The following LYNX1 variants were observed in gnomAD, a reference collection of about 807,000 sequenced individuals.
LYNX1 encodes the protein Ly6/neurotoxin 1.
Under a neutral mutation model 8.3 loss-of-function variants are expected in LYNX1, and 8 were observed. The ratio of observed to expected loss-of-function variants is 0.97; its 90% CI spans 0.57 to 1.74. LYNX1 has a LOEUF of 1.74. Among genes scored for constraint, LYNX1 ranks in the 40% most tolerant of loss-of-function variants. The pLI is 0.00. For missense variants in LYNX1, 158 were observed against 159.7 expected (o/e 0.99, Z 0.06); for synonymous variants, 73 against 67.9 (o/e 1.08, Z -0.37).
upstream of LYNX1, chr8:142,777,334 CT>C (rs1815466458): frequency 5.8e-6 from 1 of 172,964 alleles, no homozygotes; most frequent in African/African-American, 2.4e-5. Flanking sequence ...GCCCCACCTC[CT>C]GAGCAACCCC....
upstream of LYNX1, chr8:142,777,776 T>TCCGCAGGCTATCTTCACCGCGTC (rs1815488074): frequency 2.5e-6 from 1 of 397,834 alleles, no homozygotes; most frequent in African/African-American, 2.1e-5. Flanking sequence ...GCCCGGACAC[T>TCCGCAGGCTATCTTCACCGCGTC]CCGCAGGCTA....
chr8:142,774,858 C>CG lies in LYNX1; in HGVS notation c.*308_*309insC. 8.0e-7 allele frequency: 1 copy of CG among 1,255,374 alleles called. No homozygotes were observed. The highest frequency in any genetic ancestry group is 1.0e-6 in the Non-Finnish European group (1 of 995,694). 77.8% of individuals were successfully genotyped at this position (1,255,374 alleles called of 1,614,324 possible). The stretch of plus-strand genomic sequence containing the variant: ...CCAGAAGGTGGGCTTGGCCACAGCT[C>CG]CCATCTGCTCAGTGCTCCCTGCCTG... On this transcript the variant is annotated 3_prime_UTR_variant, in exon 4 of 4. Coordinates refer to ENST00000652477, the MANE Select transcript of LYNX1 (RefSeq NM_177477.4).
At position 142,774,145 on chromosome 8, in the gene LYNX1, G is replaced by GCCCCGGCC; in HGVS notation, c.*1021_*1022insGGCCGGGG. The GCCCCGGCC allele has an allele frequency of 6.1e-6, 6 of 981,840 alleles. No individual in the cohort carries two copies. Among genetic ancestry groups the GCCCCGGCC allele is most frequent in the African/African-American group, 1.8e-5 (1 of 56,672 alleles). 60.8% of individuals were successfully genotyped at this position (981,840 alleles called of 1,614,324 possible). A position where few individuals can be genotyped will look rare whatever the true frequency, so the allele number is the denominator to read the frequency against. ...GCTGCGGGGGAGGGGCTGGGTCTCC[G>GCCCCGGCC]CCCTCCCCACCCCACCCTCCCCACT... On this transcript the variant is annotated 3_prime_UTR_variant, in exon 4 of 4. Transcript: ENST00000652477.
At chr8:142,776,190 G>C (rs1815418003) in intron 1 of LYNX1, 69 bp from the exon 2 acceptor site, 2 of 574,276 alleles carry the variant, frequency 3.5e-6, no homozygotes, top group Non-Finnish European at 3.1e-6. Flanking sequence ...CCTGGGCAGG[G>C]ATGATGGTGG....
At position 142,772,309 on chromosome 8, in the gene LYNX1, C is replaced by T; in HGVS notation, c.*2858G>A. On this transcript the variant is annotated 3_prime_UTR_variant, in exon 4 of 4. Coordinates refer to ENST00000652477, the MANE Select transcript of LYNX1 (RefSeq NM_177477.4). ...AACTGGGCCCCCATGGTGCCCAGTGCCTCTCCCCCTCTCCTCTGCCACTCT... is the reference window on the plus strand; with the variant it reads ...AACTGGGCCCCCATGGTGCCCAGTGTCTCTCCCCCTCTCCTCTGCCACTCT... 1.0e-6 allele frequency: 1 copy of T among 985,758 alleles called. No individual in the cohort carries two copies. Among genetic ancestry groups the T allele is most frequent in the Non-Finnish European group, 1.2e-6 (1 of 829,994 alleles). The allele number at this position is 985,758 out of a possible 1,614,324, so 61.1% of individuals were successfully genotyped here. A position where few individuals can be genotyped will look rare whatever the true frequency, so the allele number is the denominator to read the frequency against.
chr8:142,771,241 G>A lies in LYNX1; in HGVS notation c.*3926C>T, dbSNP rs1157382967. ...TTTATTTACGGCTCGGTGAGACGAC[G>A]CTGGACGCTGGTTAGGGTAAGGGTT... On this transcript the variant is annotated 3_prime_UTR_variant, in exon 4 of 4. Coordinates refer to ENST00000652477, the MANE Select transcript of LYNX1 (RefSeq NM_177477.4). 3 of 985,464 alleles carry A rather than the reference G, an allele frequency of 3.0e-6. No individual in the cohort carries two copies. Among genetic ancestry groups the A allele is most frequent in the Admixed American group, 6.1e-5 (1 of 16,288 alleles). 61.0% of individuals were successfully genotyped at this position (985,464 alleles called of 1,614,324 possible).
At position 142,772,866 on chromosome 8, in the gene LYNX1, A is replaced by G; in HGVS notation, c.*2301T>C. ...AGGCAGAACCATGTGTGGGGCTGGG[A>G]CAGGTCAGGGTGGTGGAAAGGTGGA... On this transcript the variant is annotated 3_prime_UTR_variant, in exon 4 of 4. Transcript: ENST00000652477. The G allele has an allele frequency of 2.0e-6, 2 of 985,958 alleles. No homozygotes were observed. The highest frequency in any genetic ancestry group is 2.4e-6 in the Non-Finnish European group (2 of 830,330). 61.1% of individuals were successfully genotyped at this position (985,958 alleles called of 1,614,324 possible).
At chr8:142,775,493 A>G in intron 3 of LYNX1, 100 bp downstream of exon 3, 1 of 1,557,142 alleles carries the variant, frequency 6.4e-7, no homozygotes, top group Non-Finnish European at 8.7e-7. Context: ...ATCCGGGAAC[A>G]GGAGAGCCTC....
Position 142,774,298 on chromosome 8 carries a change from C to A in LYNX1, c.*869G>T. The A allele has an allele frequency of 1.0e-6, 1 of 985,662 alleles. No homozygotes were observed. Among genetic ancestry groups the A allele is most frequent in the Non-Finnish European group, 1.2e-6 (1 of 830,080 alleles). The allele number at this position is 985,662 out of a possible 1,614,324, so 61.1% of individuals were successfully genotyped here. On this transcript the variant is annotated 3_prime_UTR_variant, in exon 4 of 4. Transcript: ENST00000652477. Reference sequence around the variant, plus strand: ...CCCCAGTCCTGCGTCTTTTGCCTTGCTCGGCTGGGTCCTGCTGTGGTTGGG... The same window carrying A: ...CCCCAGTCCTGCGTCTTTTGCCTTGATCGGCTGGGTCCTGCTGTGGTTGGG...
At position 142,773,597 on chromosome 8, in the gene LYNX1, C is replaced by G; in HGVS notation, c.*1570G>C. ...GTTCTCAGGAGACTGAAGCTGGGCA[C>G]TCAGAACCAGCCCCAGGAGCAGAAC... On this transcript the variant is annotated 3_prime_UTR_variant, in exon 4 of 4. Coordinates refer to ENST00000652477, the MANE Select transcript of LYNX1 (RefSeq NM_177477.4). 1.0e-6 allele frequency: 1 copy of G among 985,564 alleles called. No individual in the cohort carries two copies. Among genetic ancestry groups the G allele is most frequent in the Non-Finnish European group, 1.2e-6 (1 of 830,042 alleles). The allele number at this position is 985,564 out of a possible 1,614,324, so 61.1% of individuals were successfully genotyped here. A position where few individuals can be genotyped will look rare whatever the true frequency, so the allele number is the denominator to read the frequency against.
rs1815321747 is a variant in LYNX1, at chr8:142,774,556, T to C, written c.*611A>G. On this transcript the variant is annotated 3_prime_UTR_variant, in exon 4 of 4. Coordinates refer to ENST00000652477, the MANE Select transcript of LYNX1 (RefSeq NM_177477.4). ...CTGTGACTTCGGGGGCCCTGGGGCC[T>C]GCTGAGGCAGAGCCGCCCCCTCCCC... 1.0e-6 allele frequency: 1 copy of C among 985,772 alleles called. No individual in the cohort carries two copies. Among genetic ancestry groups the C allele is most frequent in the East Asian group, 1.1e-4 (1 of 8,810 alleles). The allele number at this position is 985,772 out of a possible 1,614,324, so 61.1% of individuals were successfully genotyped here.
chr8:142,773,578 A>G lies in LYNX1; in HGVS notation c.*1589T>C. 1 of 985,552 alleles carries G rather than the reference A, an allele frequency of 1.0e-6. No homozygotes were observed. Among genetic ancestry groups the G allele is most frequent in the South Asian group, 4.7e-5 (1 of 21,292 alleles). 61.1% of individuals were successfully genotyped at this position (985,552 alleles called of 1,614,324 possible). On this transcript the variant is annotated 3_prime_UTR_variant, in exon 4 of 4. Coordinates refer to ENST00000652477, the MANE Select transcript of LYNX1 (RefSeq NM_177477.4). ...TGCCCCCTCCCATCCTCATGTTCTC[A>G]GGAGACTGAAGCTGGGCACTCAGAA...
chr8:142,774,719 A>T lies in LYNX1; in HGVS notation c.*448T>A. ...CAGTAGGAAGCGTGACTAGGCCTGG[A>T]GGAGCCTTTCCTCCTAAGAGTCTCC... On this transcript the variant is annotated 3_prime_UTR_variant, in exon 4 of 4. Coordinates refer to ENST00000652477, the MANE Select transcript of LYNX1 (RefSeq NM_177477.4). 9.9e-7 allele frequency: 1 copy of T among 1,008,992 alleles called. No homozygotes were observed. The highest frequency in any genetic ancestry group is 5.4e-5 in the Admixed American group (1 of 18,674). 62.5% of individuals were successfully genotyped at this position (1,008,992 alleles called of 1,614,324 possible). A position where few individuals can be genotyped will look rare whatever the true frequency, so the allele number is the denominator to read the frequency against.
chr8:142,774,148 C>CCA lies in LYNX1; in HGVS notation c.*1018_*1019insTG. On this transcript the variant is annotated 3_prime_UTR_variant, in exon 4 of 4. Coordinates refer to ENST00000652477, the MANE Select transcript of LYNX1 (RefSeq NM_177477.4). ...GCGGGGGAGGGGCTGGGTCTCCGCC[C>CCA]TCCCCACCCCACCCTCCCCACTCCC... The CCA allele has an allele frequency of 1.0e-6, 1 of 972,174 alleles. No homozygotes were observed. The highest frequency in any genetic ancestry group is 1.2e-6 in the Non-Finnish European group (1 of 818,742). The allele number at this position is 972,174 out of a possible 1,614,324, so 60.2% of individuals were successfully genotyped here.
chr8:142,777,829 C>A, upstream of LYNX1: 1 of 398,980 alleles, frequency 2.5e-6, no homozygotes, highest in Non-Finnish European at 4.4e-6. Flanking sequence ...CCCGCAGCCG[C>A]CTCCGCCCAC....
Position 142,774,149 on chromosome 8 carries a change from T to TGGGC in LYNX1, c.*1017_*1018insGCCC. On this transcript the variant is annotated 3_prime_UTR_variant, in exon 4 of 4. Transcript: ENST00000652477. Reference sequence around the variant, plus strand: ...CGGGGGAGGGGCTGGGTCTCCGCCCTCCCCACCCCACCCTCCCCACTCCCG... The same window carrying TGGGC: ...CGGGGGAGGGGCTGGGTCTCCGCCCTGGGCCCCCACCCCACCCTCCCCACTCCCG... 1.2e-5 allele frequency: 9 copies of TGGGC among 725,102 alleles called. No homozygotes were observed. Among genetic ancestry groups the TGGGC allele is most frequent in the Non-Finnish European group, 1.5e-5 (9 of 608,318 alleles). 44.9% of individuals were successfully genotyped at this position (725,102 alleles called of 1,614,324 possible).
rs1401167726 is a variant in LYNX1, at chr8:142,772,892, CAGA to C, written c.*2272_*2274del. 2.0e-6 allele frequency: 2 copies of C among 985,798 alleles called. No individual in the cohort carries two copies. Among genetic ancestry groups the C allele is most frequent in the African/African-American group, 1.7e-5 (1 of 57,258 alleles). The allele number at this position is 985,798 out of a possible 1,614,324, so 61.1% of individuals were successfully genotyped here. ...CAGGTCAGGGTGGTGGAAAGGTGGA[CAGA>C]AGGAGGCAGGAGGCAGGTGTGAGAA... On this transcript the variant is annotated 3_prime_UTR_variant, in exon 4 of 4. Transcript: ENST00000652477.
rs369889802 is a variant in LYNX1 at position 142,771,684 on chromosome 8, G to A, written c.*3483C>T. The A allele has an allele frequency of 7.2e-5, 71 of 985,858 alleles. No homozygotes were observed. In the African/African-American group the frequency reaches 9.9e-4, roughly 14 times the overall value. 61.1% of individuals were successfully genotyped at this position (985,858 alleles called of 1,614,324 possible). ...CGGCAGAAAAGCTGGCATATCCACC[G>A]AGGGCCTCTCTGCTTCTTTTGACCT... On this transcript the variant is annotated 3_prime_UTR_variant, in exon 4 of 4. Coordinates refer to ENST00000652477, the MANE Select transcript of LYNX1 (RefSeq NM_177477.4).
chr8:142,774,432 T>C lies in LYNX1; in HGVS notation c.*735A>G, dbSNP rs1815316616. On this transcript the variant is annotated 3_prime_UTR_variant, in exon 4 of 4. Transcript: ENST00000652477. ...CCAAATATAGCATGGCCCTAGCTCC[T>C]GCCAGCTTCAGGCCTGGTGCCCTCC... 2.0e-6 allele frequency: 2 copies of C among 985,922 alleles called. No individual in the cohort carries two copies. Among genetic ancestry groups the C allele is most frequent in the South Asian group, 4.7e-5 (1 of 21,296 alleles). The allele number at this position is 985,922 out of a possible 1,614,324, so 61.1% of individuals were successfully genotyped here.
Sources: gnomAD v4.1 joint callset for allele counts on GRCh38, gnomAD v4.1.1 for gene constraint, MANE v1.5 for transcripts, NCBI Gene and HGNC (gene_info 2026-07-23, HGNC 2026-07-21) for gene names.